FAM83B: variants seen among roughly 807,000 people sequenced by gnomAD.
FAM83B encodes the protein scaffolding CK1 anchoring protein B.
A neutral mutation model predicts 38.8 loss-of-function variants in FAM83B; 26 were observed. The observed-to-expected ratio is 0.67, with a 90% CI of 0.49 to 0.93. FAM83B has a LOEUF of 0.93. Among genes scored for constraint, FAM83B ranks in the 40% least tolerant of loss-of-function variants. FAM83B has a pLI of 0.00. For missense variants in FAM83B, 1,237 were observed against 1,197.3 expected (o/e 1.03, Z -0.49); for synonymous variants, 419 against 423.1 (o/e 0.99, Z 0.12).
intron 2 of FAM83B, among the ~76,000 whole-genome samples, chr6:54,893,799 A>C (rs981821743): frequency 6.6e-6 from 1 of 152,180 alleles, no homozygotes; most frequent in African/African-American, 2.4e-5. Context: ...GTTTCCTTTG[A>C]TAATATTTAT....
intron 2 of FAM83B, among the ~76,000 whole-genome samples, chr6:54,897,757 C>A (rs1407362885): frequency 2.0e-5 from 3 of 152,114 alleles, no homozygotes; most frequent in African/African-American, 7.2e-5. Flanking sequence ...TGCAAGTTCA[C>A]CATCAGTAAT....
At chr6:54,856,035 C>T (rs1483713379) in intron 1 of FAM83B, among the ~76,000 whole-genome samples, 1 of 152,046 alleles carries the variant, frequency 6.6e-6, no homozygotes, top group African/African-American at 2.4e-5. Flanking sequence ...GAAAGGGTGC[C>T]AAGGTCTTTT....
intron 1 of FAM83B, among the ~76,000 whole-genome samples, chr6:54,862,741 G>A (rs748813429): frequency 9.2e-5 from 14 of 151,972 alleles, no homozygotes; most frequent in Admixed American, 2.0e-4. Flanking sequence ...AAAATTAGCC[G>A]GGCATGGCAG....
chr6:54,875,856 CT>C (rs1771980022), intron 2 of FAM83B, among the ~76,000 whole-genome samples: 2 of 152,142 alleles, frequency 1.3e-5, no homozygotes, highest in Admixed American at 6.5e-5. Flanking sequence ...ATTGCTGTGT[CT>C]GTATGGCAGT....
intron 2 of FAM83B, among the ~76,000 whole-genome samples, chr6:54,922,083 T>G (rs1437253302): frequency 6.6e-6 from 1 of 152,056 alleles, no homozygotes; most frequent in Non-Finnish European, 1.5e-5. Flanking sequence ...ATCCAGCGTA[T>G]TATTTTGTCA....
intron 2 of FAM83B, among the ~76,000 whole-genome samples, chr6:54,907,611 AGAG>A (rs1374635505): frequency 2.8e-4 from 41 of 147,398 alleles, no homozygotes; most frequent in Non-Finnish European, 6.0e-4. Context: ...ATATTTTCAT[AGAG>A]AATGTTTTAT....
At chr6:54,922,485 A>G (rs1431195384) in intron 2 of FAM83B, among the ~76,000 whole-genome samples, 2 of 151,922 alleles carry the variant, frequency 1.3e-5, no homozygotes, top group East Asian at 3.9e-4. Context: ...TAAATTAATA[A>G]TTTTGGGTAT....
chr6:54,881,568 A>T (rs1005686764), intron 2 of FAM83B, among the ~76,000 whole-genome samples: 7 of 152,150 alleles, frequency 4.6e-5, no homozygotes, highest in African/African-American at 1.4e-4. Context: ...TCATAAAAAA[A>T]ACTGAGTCAT....
Position 54,870,254 on chromosome 6 carries a change from C to T in FAM83B, c.8C>T (p.Thr3Ile), listed in dbSNP as rs748698722. 4 of 1,611,164 alleles carry T rather than the reference C, an allele frequency of 2.5e-6. No homozygotes were observed. In the Admixed American group the frequency reaches 6.7e-5, roughly 27 times the overall value. Residue 3 changes from threonine (T) to isoleucine (I), a missense_variant, in exon 2 of 5, where the codon ACC becomes ATC. Transcript: ENST00000306858. ...AGCCAAACACTTGCAAGCATGGAGACCTCATCAATGCTTTCCTCATTGAAT... is the reference window on the plus strand; with the variant it reads ...AGCCAAACACTTGCAAGCATGGAGATCTCATCAATGCTTTCCTCATTGAAT... The part of the protein sequence containing the change: ME[T>I]SSMLSSLNDE...
chr6:54,886,535 G>C (rs1039966500), intron 2 of FAM83B, among the ~76,000 whole-genome samples: 2 of 151,746 alleles, frequency 1.3e-5, no homozygotes, highest in African/African-American at 4.8e-5. Flanking sequence ...TTTTTTACAG[G>C]AACACCTGAG....
rs916085352 is a variant in FAM83B at position 54,943,843 on chromosome 6, T to G, written c.*1836T>G. 2 of 152,170 alleles carry G rather than the reference T, an allele frequency of 1.3e-5. No homozygotes were observed. Among genetic ancestry groups the G allele is most frequent in the African/African-American group, 2.4e-5 (1 of 41,446 alleles). The allele number at this position is 152,170 out of a possible 1,614,324, so 9.4% of individuals were successfully genotyped here. A position where few individuals can be genotyped will look rare whatever the true frequency, so the allele number is the denominator to read the frequency against. On this transcript the variant is annotated 3_prime_UTR_variant, in exon 5 of 5. Coordinates refer to ENST00000306858, the MANE Select transcript of FAM83B (RefSeq NM_001010872.3). ...CTGAAATTATATAAAGAGTAGAAGT[T>G]TAATCATGTTTAATTACAACCAAAA...
At position 54,941,219 on chromosome 6, in the gene FAM83B, G is replaced by T; in HGVS notation, c.2248G>T (p.Glu750Ter). The change falls in exon 5 of 5, where the codon GAA becomes TAA. Residue 750 changes from glutamate to a stop codon, truncating the protein, a stop_gained. Transcript: ENST00000306858. LOFTEE classifies it high-confidence loss of function. ...IAALLDVNKE[E>*]SNKELASKKE... ...TGCTTTACTTGATGTGAATAAAGAG[G>T]AATCTAACAAAGAACTTGCTTCAAA... is the stretch of plus-strand genomic sequence containing the variant. 1 of 1,613,754 alleles carries T rather than the reference G, an allele frequency of 6.2e-7. No individual in the cohort carries two copies. Among genetic ancestry groups the T allele is most frequent in the Non-Finnish European group, 8.5e-7 (1 of 1,179,924 alleles).
chr6:54,848,693 T>C (rs1771197295), intron 1 of FAM83B, among the ~76,000 whole-genome samples: 1 of 152,190 alleles, frequency 6.6e-6, no homozygotes, highest in African/African-American at 2.4e-5. Flanking sequence ...AACCTACTTG[T>C]TTCCCATTTA....
rs1773738116 is a variant in FAM83B, at chr6:54,942,958, A to G, written c.*951A>G. On this transcript the variant is annotated 3_prime_UTR_variant, in exon 5 of 5. Coordinates refer to ENST00000306858, the MANE Select transcript of FAM83B (RefSeq NM_001010872.3). ...CGCTCTGTCACCCAGGCTAGAGTGCAGTGGCGCAATCTTGGCTCACTGCAA... is the reference window on the plus strand; with the variant it reads ...CGCTCTGTCACCCAGGCTAGAGTGCGGTGGCGCAATCTTGGCTCACTGCAA... 6.6e-6 allele frequency among the ~76,000 whole-genome samples: 1 copy of G among 151,214 alleles called. No individual in the cohort carries two copies. Among genetic ancestry groups the G allele is most frequent in the Non-Finnish European group, 1.5e-5 (1 of 67,892 alleles).
intron 2 of FAM83B, among the ~76,000 whole-genome samples, chr6:54,887,604 A>G (rs545738092): frequency 3.8e-4 from 57 of 151,962 alleles, no homozygotes; most frequent in African/African-American, 1.3e-3. Flanking sequence ...TTTTATTTTT[A>G]AAGGGAATAT....
At chr6:54,901,074 G>A (rs1266555739) in intron 2 of FAM83B, among the ~76,000 whole-genome samples, 1 of 152,192 alleles carries the variant, frequency 6.6e-6, no homozygotes, top group Non-Finnish European at 1.5e-5. Flanking sequence ...TGTGTGGAAA[G>A]AACTGGGAAT....
At chr6:54,852,291 C>T (rs1240938595) in intron 1 of FAM83B, among the ~76,000 whole-genome samples, 1 of 152,236 alleles carries the variant, frequency 6.6e-6, no homozygotes, top group Non-Finnish European at 1.5e-5. Flanking sequence ...TCCAACAGCA[C>T]ATGCTCACTT....
At chr6:54,863,747 A>G (rs1771639046) in intron 1 of FAM83B, among the ~76,000 whole-genome samples, 1 of 152,156 alleles carries the variant, frequency 6.6e-6, no homozygotes. Flanking sequence ...GAACTTAATA[A>G]TGTTCATGTT....
chr6:54,868,433 T>C (rs1239397340), intron 1 of FAM83B, among the ~76,000 whole-genome samples: 1 of 152,178 alleles, frequency 6.6e-6, no homozygotes, highest in African/African-American at 2.4e-5. Context: ...GGGAAAAAGA[T>C]GACATATCCT....
Sources: allele counts gnomAD v4.1 joint callset (sites outside exome capture counted in the v4.1 genomes callset), GRCh38; gene constraint gnomAD v4.1.1; transcripts MANE v1.5; gene names NCBI Gene and HGNC (gene_info 2026-07-23, HGNC 2026-07-21).